Variants in INPP5D observed in about 807,000 individuals in gnomAD.
INPP5D encodes the protein phosphatidylinositol 3,4,5-trisphosphate 5-phosphatase 1.
INPP5D carries 33 observed loss-of-function variants against 122.9 expected under a neutral mutation model. The observed-to-expected ratio is 0.27, with a 90% CI of 0.20 to 0.36. The LOEUF (loss-of-function observed/expected upper bound fraction) is 0.36. Among genes scored for constraint, INPP5D ranks in the 10% least tolerant of loss-of-function variants. INPP5D has a pLI of 1.00. For missense variants in INPP5D, 1,053 were observed against 1,412.7 expected (o/e 0.75, Z 4.08); for synonymous variants, 584 against 576.2 (o/e 1.01, Z -0.19).
intron 2 of INPP5D, among the ~76,000 whole-genome samples, chr2:233,092,762 C>G (rs1692026058): frequency 6.6e-6 from 1 of 152,146 alleles, no homozygotes; most frequent in Non-Finnish European, 1.5e-5. Context: ...CAACAGCATC[C>G]CTTTATCCCT....
At chr2:233,175,314 A>G (rs1256533820) in intron 17 of INPP5D, among the ~76,000 whole-genome samples, 1 of 152,044 alleles carries the variant, frequency 6.6e-6, no homozygotes, top group Non-Finnish European at 1.5e-5. Context: ...AGTAGAGTAG[A>G]TAAATGTGAT....
At chr2:233,086,595 G>A (rs773463773) in intron 2 of INPP5D, among the ~76,000 whole-genome samples, 2 of 152,152 alleles carry the variant, frequency 1.3e-5, no homozygotes, top group Non-Finnish European at 2.9e-5. Flanking sequence ...ACACGGAAAG[G>A]AGAAGTGAAC....
chr2:233,065,965 T>C (rs1299224659), intron 1 of INPP5D, among the ~76,000 whole-genome samples: 1 of 151,350 alleles, frequency 6.6e-6, no homozygotes, highest in Non-Finnish European at 1.5e-5. Flanking sequence ...ATTATTATTA[T>C]TTTATTTTTT....
rs1695510645 is a variant in INPP5D, at chr2:233,206,568, G to A, written c.3568-138G>A. The A allele has an allele frequency of 3.2e-6, 2 of 622,562 alleles. No individual in the cohort carries two copies. The highest frequency in any genetic ancestry group is 5.9e-6 in the Non-Finnish European group (2 of 338,420). 38.6% of individuals were successfully genotyped at this position (622,562 alleles called of 1,614,324 possible). A position where few individuals can be genotyped will look rare whatever the true frequency, so the allele number is the denominator to read the frequency against. ...TAAATAAGCAGGTAAAGTACTTAGA[G>A]CAGTGAGTGCTGGCTCTTCTCAGCT... On this transcript the variant is annotated intron_variant, in intron 26 of 26. Transcript: ENST00000445964. The surrounding 1 kb of genome is among the most constrained non-coding windows in gnomAD (Gnocchi z 4.0).
chr2:233,098,802 C>T (rs951851705), intron 2 of INPP5D, among the ~76,000 whole-genome samples: 15 of 152,294 alleles, frequency 9.8e-5, no homozygotes, highest in South Asian at 4.1e-4. Context: ...CGCCCCTCCA[C>T]GAGTGCAGTC....
At chr2:233,077,859 CAAAAA>C (rs10710966) in intron 1 of INPP5D, among the ~76,000 whole-genome samples, 1 of 115,668 alleles carries the variant, frequency 8.6e-6, no homozygotes, top group Non-Finnish European at 1.8e-5. Context: ...GACTCCGTCT[CAAAAA>C]AAAAAAAAAA....
rs370294271 is a variant in INPP5D at position 233,124,460 on chromosome 2, GT to G, written c.350-1284del. Among the ~76,000 whole-genome samples the G allele has an allele frequency of 3.8e-3, 581 of 152,362 alleles. 7 individuals carry two copies. The highest frequency in any genetic ancestry group is 0.013 in the African/African-American group (549 of 41,580). ...CCGCAGCTCCATGGAGGCTGAAAGGGTCCCAGGCAGGCCCTGTCCCTTTTGG... is the reference window on the plus strand; with the variant it reads ...CCGCAGCTCCATGGAGGCTGAAAGGGCCCAGGCAGGCCCTGTCCCTTTTGG... On this transcript the variant is annotated intron_variant, in intron 3 of 26. Transcript: ENST00000445964.
chr2:233,085,940 G>T (rs1342722967), intron 2 of INPP5D, among the ~76,000 whole-genome samples: 3 of 152,156 alleles, frequency 2.0e-5, no homozygotes, highest in African/African-American at 7.2e-5. Context: ...TCATGGGCCT[G>T]TTTCCTGTCT....
At chr2:233,154,747 C>A (rs572349917) in intron 9 of INPP5D, among the ~76,000 whole-genome samples, 2 of 152,240 alleles carry the variant, frequency 1.3e-5, no homozygotes, top group South Asian at 4.2e-4. Flanking sequence ...GTGTGATTAC[C>A]CTTATCTTGT....
At chr2:233,151,339 A>G (rs930755749) in intron 9 of INPP5D, among the ~76,000 whole-genome samples, 1 of 144,306 alleles carries the variant, frequency 6.9e-6, no homozygotes, top group Admixed American at 7.0e-5. Flanking sequence ...TAACAATAAT[A>G]GGCTATTTCA....
intron 9 of INPP5D, among the ~76,000 whole-genome samples, chr2:233,152,229 A>C (rs1256340263): frequency 9.1e-6 from 1 of 109,734 alleles, no homozygotes; most frequent in South Asian, 3.7e-4. Flanking sequence ...GTTTCCATCC[A>C]TGGTTATTAT....
At chr2:233,094,943 T>G (rs1344973938) in intron 2 of INPP5D, among the ~76,000 whole-genome samples, 2 of 152,186 alleles carry the variant, frequency 1.3e-5, no homozygotes, top group Admixed American at 1.3e-4. Flanking sequence ...ACAAGTCACA[T>G]GGACAAAGAT....
chr2:233,201,388 C>T (rs1227129310), intron 25 of INPP5D, among the ~76,000 whole-genome samples: 1 of 152,224 alleles, frequency 6.6e-6, no homozygotes, highest in African/African-American at 2.4e-5. Context: ...AGCATGCTCC[C>T]CACAGCCCCA....
At chr2:233,181,603 G>A (rs2106313027) in intron 18 of INPP5D, among the ~76,000 whole-genome samples, 1 of 152,256 alleles carries the variant, frequency 6.6e-6, no homozygotes, top group South Asian at 2.1e-4. Context: ...TCTTTCTCTT[G>A]CCCCTTCCCA....
intron 2 of INPP5D, among the ~76,000 whole-genome samples, chr2:233,107,595 G>A (rs1477524887): frequency 6.6e-6 from 1 of 152,198 alleles, no homozygotes; most frequent in East Asian, 1.9e-4. Context: ...AAGGCGAGAG[G>A]AATGTCGAAG....
chr2:233,164,548 T>C lies in INPP5D; in HGVS notation c.1555+124T>C. 7.4e-7 allele frequency: 1 copy of C among 1,356,004 alleles called. No individual in the cohort carries two copies. The highest frequency in any genetic ancestry group is 1.6e-5 in the South Asian group (1 of 63,202). 84.0% of individuals were successfully genotyped at this position (1,356,004 alleles called of 1,614,324 possible). ...CAGAGAGCCTCACATCCTCAGATCC[T>C]GGCTCAGTCCTCAGCAAATAGGGGT... On this transcript the variant is annotated intron_variant, in intron 13 of 26. Transcript: ENST00000445964. This position sits in a 1 kb window ranked among gnomAD's most constrained non-coding sequence, Gnocchi z 4.3.
At chr2:233,169,206 C>T in intron 13 of INPP5D, 99 bp from the exon 14 acceptor site, 1 of 1,518,094 alleles carries the variant, frequency 6.6e-7, no homozygotes, top group Non-Finnish European at 8.9e-7. Context: ...GCCAGCTCCT[C>T]ACTCACTGCC....
In INPP5D at chr2:233,206,050, G is replaced by A. The variant is rs1279016269; in HGVS notation, c.3568-656G>A. On this transcript the variant is annotated intron_variant, in intron 26 of 26. Transcript: ENST00000445964. The surrounding 1 kb of genome is among the most constrained non-coding windows in gnomAD (Gnocchi z 4.0). ...ACCGAGATCGCAACACTGCACTCCA[G>A]CCTGGGCGACAGAGTGAGACTCCAT... Among the ~76,000 whole-genome samples, 1 of 152,152 alleles carries A rather than the reference G, an allele frequency of 6.6e-6. No homozygotes were observed. Among genetic ancestry groups the A allele is most frequent in the African/African-American group, 2.4e-5 (1 of 41,436 alleles).
intron 9 of INPP5D, among the ~76,000 whole-genome samples, chr2:233,150,157 C>T (rs1693886007): frequency 6.6e-6 from 1 of 152,166 alleles, no homozygotes; most frequent in South Asian, 2.1e-4. Context: ...TGTGTCCCCA[C>T]CCAAATCTCA....
Sources: gnomAD v4.1 joint callset for allele counts (sites outside exome capture counted in the v4.1 genomes callset) on GRCh38, gnomAD v4.1.1 for gene constraint, Gnocchi (gnomAD v3.1) non-coding constraint, MANE v1.5 for transcripts, NCBI Gene and HGNC (gene_info 2026-07-23, HGNC 2026-07-21) for gene names.